STPG2: variants seen among roughly 807,000 people sequenced by gnomAD.
STPG2 encodes the protein sperm tail PG-rich repeat containing 2.
In STPG2, 56 loss-of-function variants were observed where a neutral mutation model predicts 54.2. That is an observed-to-expected ratio of 1.03 (90% confidence interval 0.83 to 1.29). STPG2 has a LOEUF of 1.29. STPG2 is among the 50% of genes most tolerant of loss of function. The probability of loss-of-function intolerance (pLI) is 0.00; values close to 1 mark genes in which losing one functional copy is unlikely to be tolerated. For missense variants in STPG2, 596 were observed against 544.9 expected, an observed-to-expected ratio of 1.09 and a Z score of -0.93; for synonymous variants, 200 against 181.8, an observed-to-expected ratio of 1.10 and a Z score of -0.81.
intron 4 of STPG2, among the ~76,000 whole-genome samples, chr4:97,468,899 T>A (rs1216244781): frequency 1.3e-5 from 2 of 152,060 alleles, no homozygotes; most frequent in Non-Finnish European, 2.9e-5. Flanking sequence ...CACAGATAAC[T>A]AAGAAACACA....
rs17468195 is a variant in STPG2, at chr4:97,852,358, C to T, written c.1045-11426G>A. 4.8e-3 allele frequency among the ~76,000 whole-genome samples: 728 copies of T among 152,228 alleles called. 2 individuals are homozygous for T. The highest frequency in any genetic ancestry group is 8.0e-3 in the Non-Finnish European group (545 of 68,024). On this transcript the variant is annotated intron_variant, in intron 8 of 10. Coordinates refer to ENST00000295268, the MANE Select transcript of STPG2 (RefSeq NM_174952.3). ...ATTTTAAGGTAGTGCTACTAAAATA[C>T]CACAGAACTTGAAGTCAGAATTGCT... is the stretch of plus-strand genomic sequence containing the variant.
At chr4:97,982,376 C>CTACACA (rs1469987331) in intron 5 of STPG2, among the ~76,000 whole-genome samples, 28 of 99,070 alleles carry the variant, frequency 2.8e-4, no homozygotes, top group African/African-American at 1.3e-3. Context: ...CTCTCTTACT[C>CTACACA]TACACACACA....
At chr4:97,538,063 C>A (rs1731582822) in intron 4 of STPG2, among the ~76,000 whole-genome samples, 1 of 152,004 alleles carries the variant, frequency 6.6e-6, no homozygotes, top group East Asian at 1.9e-4. Flanking sequence ...TCATCAAAGA[C>A]CAAAGGTAGA....
intron 8 of STPG2, among the ~76,000 whole-genome samples, chr4:97,884,733 G>T (rs1181918131): frequency 1.3e-5 from 2 of 151,858 alleles, no homozygotes; most frequent in Non-Finnish European, 2.9e-5. Context: ...AAAAAAAGAG[G>T]GGTCTAGAAA....
Position 97,712,695 on chromosome 4 carries a change from A to G in STPG2, c.1320+4T>C. ...TCACTGTTAAGAAGGAAATATTGACAAACCTCATATGTTGCTGGGCCTGGA... is the reference window on the plus strand; with the variant it reads ...TCACTGTTAAGAAGGAAATATTGACGAACCTCATATGTTGCTGGGCCTGGA... On this transcript the variant is annotated splice_donor_region_variant and intron_variant, in intron 10 of 10. Coordinates refer to ENST00000295268, the MANE Select transcript of STPG2 (RefSeq NM_174952.3). The G allele has an allele frequency of 6.4e-7, 1 of 1,551,416 alleles. No individual in the cohort carries two copies. Among genetic ancestry groups the G allele is most frequent in the South Asian group, 1.3e-5 (1 of 79,548 alleles).
intron 5 of STPG2, among the ~76,000 whole-genome samples, chr4:98,008,084 T>C (rs575286882): frequency 2.0e-5 from 3 of 152,172 alleles, no homozygotes; most frequent in South Asian, 2.1e-4. Context: ...AACATCCAGA[T>C]AGAAGAGGCC....
chr4:97,462,872 A>ACC (rs1729698232), intron 4 of STPG2, among the ~76,000 whole-genome samples: 11 of 152,086 alleles, frequency 7.2e-5, no homozygotes, highest in Non-Finnish European at 1.5e-5. Flanking sequence ...TCCAGTATAG[A>ACC]ATTGAATAGC....
intron 10 of STPG2, among the ~76,000 whole-genome samples, chr4:97,591,287 C>A (rs1467863670): frequency 6.6e-6 from 1 of 151,748 alleles, no homozygotes; most frequent in Non-Finnish European, 1.5e-5. Context: ...CATTAGTAAA[C>A]CCTGGATTTG....
chr4:97,557,575 G>A (rs777386787), downstream of STPG2, among the ~76,000 whole-genome samples: 1 of 152,012 alleles, frequency 6.6e-6, no homozygotes. Context: ...TGACTCATCT[G>A]GCCAAAATGA....
At chr4:97,555,162 G>C (rs2148869982), downstream of STPG2, among the ~76,000 whole-genome samples, 1 of 152,246 alleles carries the variant, frequency 6.6e-6, no homozygotes, top group East Asian at 1.9e-4. Context: ...GTCTTAACCA[G>C]ATCTTCCCCC....
intron 5 of STPG2, among the ~76,000 whole-genome samples, chr4:98,050,113 G>C (rs1737271569): frequency 1.3e-5 from 2 of 152,112 alleles, no homozygotes; most frequent in South Asian, 4.1e-4. Context: ...GATCTTATTT[G>C]GATTCTGATT....
intron 10 of STPG2, among the ~76,000 whole-genome samples, chr4:97,656,534 C>T (rs2148957715): frequency 1.3e-5 from 2 of 151,916 alleles, no homozygotes; most frequent in South Asian, 4.2e-4. Context: ...TGAGCATTCC[C>T]CTTCTTGCTT....
chr4:97,629,913 T>A (rs140072647), intron 10 of STPG2, among the ~76,000 whole-genome samples: 122 of 152,096 alleles, frequency 8.0e-4, no homozygotes, highest in Middle Eastern at 3.4e-3. Context: ...GAAAGCTCCA[T>A]GTGAAACTGA....
At chr4:97,529,899 G>T (rs1731376358) in intron 4 of STPG2, among the ~76,000 whole-genome samples, 1 of 151,994 alleles carries the variant, frequency 6.6e-6, no homozygotes, top group Non-Finnish European at 1.5e-5. Context: ...AACTCAATCT[G>T]AAGTAGCTGC....
intron 8 of STPG2, among the ~76,000 whole-genome samples, chr4:97,852,356 T>C (rs949231347): frequency 6.6e-6 from 1 of 152,188 alleles, no homozygotes; most frequent in African/African-American, 2.4e-5. Context: ...GCTACTAAAA[T>C]ACCACAGAAC....
At chr4:97,540,123 G>C (rs1049961483) in intron 4 of STPG2, among the ~76,000 whole-genome samples, 46 of 152,148 alleles carry the variant, frequency 3.0e-4, no homozygotes, top group Middle Eastern at 3.4e-3. Context: ...AAATAACTAA[G>C]ATCAGAGCAG....
At chr4:97,958,575 A>T (rs1465010758) in intron 7 of STPG2, among the ~76,000 whole-genome samples, 9 of 152,228 alleles carry the variant, frequency 5.9e-5, no homozygotes. Flanking sequence ...GAACACCAAA[A>T]GCCAGGAGAA....
chr4:97,851,547 G>T (rs1368558170), intron 8 of STPG2, among the ~76,000 whole-genome samples: 1 of 152,078 alleles, frequency 6.6e-6, no homozygotes, highest in East Asian at 1.9e-4. Context: ...TCACCTTTCT[G>T]TGTTGTATAA....
chr4:97,982,002 A>G (rs1199078661), intron 5 of STPG2, among the ~76,000 whole-genome samples: 2 of 150,500 alleles, frequency 1.3e-5, no homozygotes, highest in Non-Finnish European at 3.0e-5. Flanking sequence ...TTCCCGCCTC[A>G]GTCTCCCACG....
Sources: allele counts gnomAD v4.1 joint callset (sites outside exome capture counted in the v4.1 genomes callset), GRCh38; gene constraint gnomAD v4.1.1; transcripts MANE v1.5; gene names NCBI Gene and HGNC (gene_info 2026-07-23, HGNC 2026-07-21).